Variants in NEK9 observed in about 807,000 individuals in gnomAD.
NEK9 encodes serine/threonine-protein kinase Nek9.
A neutral mutation model predicts 123.4 loss-of-function variants in NEK9; 75 were observed. The observed-to-expected ratio is 0.61, with a 90% CI of 0.50 to 0.74. The LOEUF (loss-of-function observed/expected upper bound fraction) is 0.74. Among genes scored for constraint, NEK9 ranks in the 30% least tolerant of loss-of-function variants. NEK9 has a pLI of 0.00. For missense variants in NEK9, 952 were observed against 1,214.4 expected, an observed-to-expected ratio of 0.78 and a Z score of 3.21; for synonymous variants, 438 against 458.7, an observed-to-expected ratio of 0.95 and a Z score of 0.58.
In NEK9 at chr14:75,108,565, T is replaced by A. The variant is rs186721040; in HGVS notation, c.1183-1078A>T. Among the ~76,000 whole-genome samples the A allele has an allele frequency of 1.1e-3, 164 of 151,724 alleles. 1 individual carries two copies. Among genetic ancestry groups the A allele is most frequent in the African/African-American group, 3.7e-3 (154 of 41,274 alleles). ...TGTGTGACAGTATATATATATATTT[T>A]TTTTTTTGAGACAAGGTCTTGCTCT... On this transcript the variant is annotated intron_variant, in intron 10 of 21. Transcript: ENST00000238616.
At position 75,119,357 on chromosome 14, in the gene NEK9, T is replaced by C. The variant is rs75269755; in HGVS notation, c.525-422A>G. ...AACAAAAAAAGAGTGTTACCATTGCTCATTCATTTAGGATATCCTAAACAT... is the reference window on the plus strand; with the variant it reads ...AACAAAAAAAGAGTGTTACCATTGCCCATTCATTTAGGATATCCTAAACAT... On this transcript the variant is annotated intron_variant, in intron 4 of 21. Coordinates refer to ENST00000238616, the MANE Select transcript of NEK9 (RefSeq NM_033116.6). Among the ~76,000 whole-genome samples the C allele has an allele frequency of 6.0e-3, 908 of 152,248 alleles. 8 individuals carry two copies. The highest frequency in any genetic ancestry group is 0.021 in the African/African-American group (874 of 41,552).
At chr14:75,110,221 T>C in intron 9 of NEK9, 100 bp downstream of exon 9, 2 of 880,952 alleles carry the variant, frequency 2.3e-6, no homozygotes, top group Non-Finnish European at 3.6e-6. Context: ...CCTGAAAGGA[T>C]GCCAAAGTAT....
chr14:75,103,783 G>A, intron 14 of NEK9, 59 bp downstream of exon 14: 1 of 1,537,842 alleles, frequency 6.5e-7, no homozygotes, highest in Non-Finnish European at 8.8e-7. Context: ...GCATCTCAAA[G>A]AAATTCCAAC....
At position 75,117,271 on chromosome 14, in the gene NEK9, T is replaced by C. The variant is rs954321670; in HGVS notation, c.686A>G (p.Asn229Ser). The C allele has an allele frequency of 6.2e-7, 1 of 1,613,948 alleles. No homozygotes were observed. The highest frequency in any genetic ancestry group is 1.3e-5 in the African/African-American group (1 of 74,912). ...AACTGCCCAGATATCAGACTTGAAA[T>C]TGTACTTTACTCCTTGACAGAGCTC... ...SPELCQGVKY[N>S]FKSDIWAVGC... The change falls in exon 6 of 22, where the codon AAT becomes AGT. Residue 229 changes from asparagine (N) to serine (S), a missense_variant. Around this residue, in one of 4 missense-constraint regions of NEK9, gnomAD observed 28 missense variants for 88.3 expected, o/e 0.32. Transcript: ENST00000238616.
In NEK9 at chr14:75,124,075, G is replaced by A. The variant is rs781664727; in HGVS notation, c.368C>T (p.Thr123Met). 8.1e-5 allele frequency: 131 copies of A among 1,613,482 alleles called. No homozygotes were observed. Among genetic ancestry groups the A allele is most frequent in the Middle Eastern group, 1.6e-4 (1 of 6,078 alleles). ...AYYNHFMDNTTLLIELEYCNG... is the reference protein window; with the variant it reads ...AYYNHFMDNTMLLIELEYCNG... ...ACAATATTCCAGCTCAATCAGCAGC[G>A]TGGTATTGTCCATGAAGTGATTGTA... The change falls in exon 2 of 22, where the codon ACG becomes ATG. Residue 123 changes from threonine to methionine, a missense_variant. Around this residue, in one of 4 missense-constraint regions of NEK9, gnomAD observed 106 missense variants for 153.0 expected, o/e 0.69. Coordinates refer to ENST00000238616, the MANE Select transcript of NEK9 (RefSeq NM_033116.6).
At chr14:75,114,421 T>A (rs1349511040) in intron 6 of NEK9, 108 bp from the exon 7 acceptor site, 1 of 819,404 alleles carries the variant, frequency 1.2e-6, no homozygotes, top group Non-Finnish European at 2.0e-6. Flanking sequence ...GAATTGGCAA[T>A]AGGTCTGACT....
At chr14:75,125,746 C>T (rs1392430062) in intron 1 of NEK9, among the ~76,000 whole-genome samples, 1 of 152,384 alleles carries the variant, frequency 6.6e-6, no homozygotes, top group Admixed American at 6.5e-5. Context: ...TTCTCTCCTT[C>T]TCCATCTTTC....
At chr14:75,088,668 A>AT in intron 19 of NEK9, 27 bp from the exon 20 acceptor site, 1 of 1,602,226 alleles carries the variant, frequency 6.2e-7, no homozygotes, top group Non-Finnish European at 8.5e-7. Flanking sequence ...GAATCTCATT[A>AT]GTCTGTTTGC....
At chr14:75,122,935 A>G (rs1419847820) in intron 2 of NEK9, among the ~76,000 whole-genome samples, 1 of 151,548 alleles carries the variant, frequency 6.6e-6, no homozygotes, top group Non-Finnish European at 1.5e-5. Context: ...AGTAGCTGTG[A>G]CTACAGGTGC....
intron 18 of NEK9, among the ~76,000 whole-genome samples, chr14:75,092,757 T>C (rs1245827709): frequency 1.3e-5 from 2 of 152,090 alleles, no homozygotes; most frequent in Non-Finnish European, 2.9e-5. Context: ...TTAAGAAGAT[T>C]AATCTGTCAA....
At chr14:75,107,746 A>G (rs980247938) in intron 10 of NEK9, among the ~76,000 whole-genome samples, 1 of 152,162 alleles carries the variant, frequency 6.6e-6, no homozygotes, top group African/African-American at 2.4e-5. Flanking sequence ...AAAACAGTAG[A>G]AAAAAAGAGC....
intron 18 of NEK9, among the ~76,000 whole-genome samples, chr14:75,092,260 C>T (rs1894242424): frequency 1.5e-5 from 2 of 137,884 alleles, no homozygotes; most frequent in African/African-American, 5.6e-5. Flanking sequence ...GCGTGAGCCA[C>T]TGCACCCAGC....
Position 75,091,690 on chromosome 14 carries a change from CATA to C in NEK9, c.2234-215_2234-213del, listed in dbSNP as rs1391556092. On this transcript the variant is annotated intron_variant, in intron 18 of 21. Transcript: ENST00000238616. ...AGTTGTATTTGTATATCAGGATGCT[CATA>C]ATGATAATTCACTTCCATTTACCAA... 11 of 432,168 alleles carry C rather than the reference CATA, an allele frequency of 2.5e-5. No individual in the cohort carries two copies. The East Asian group carries it at 4.0e-4, about 16-fold the overall frequency. 26.8% of individuals were successfully genotyped at this position (432,168 alleles called of 1,614,324 possible).
rs765889310 is a variant in NEK9, at chr14:75,110,339, G to T, written c.971C>A (p.Ala324Glu). 3 of 1,612,824 alleles carry T rather than the reference G, an allele frequency of 1.9e-6. No homozygotes were observed. The highest frequency in any genetic ancestry group is 3.3e-5 in the Admixed American group (2 of 59,974). Residue 324 changes from alanine to glutamate, a missense_variant, in exon 9 of 22, where the codon GCA becomes GAA. By Grantham distance (107) the Ala-to-Glu change is moderately radical (BLOSUM62 -1). Around this residue, in one of 4 missense-constraint regions of NEK9, gnomAD observed 698 missense variants for 875.6 expected, o/e 0.80. Coordinates refer to ENST00000238616, the MANE Select transcript of NEK9 (RefSeq NM_033116.6). ...ACATTACCTTGGTCTCTTTGTAGGT[G>T]CATTAAGCAGAGTGACTTTTTCCTC... is the stretch of plus-strand genomic sequence containing the variant. ...EMEEKVTLLN[A>E]PTKRPRSSTV...
At chr14:75,107,315 C>G (rs752798266) in intron 11 of NEK9, 28 bp downstream of exon 11, 1 of 1,606,900 alleles carries the variant, frequency 6.2e-7, no homozygotes, top group Admixed American at 1.7e-5. Context: ...ATTAAATGCA[C>G]TTAAGACACT....
At chr14:75,119,104 C>T (rs1021491682) in intron 4 of NEK9, among the ~76,000 whole-genome samples, 169 bp from the exon 5 acceptor site, 1 of 151,952 alleles carries the variant, frequency 6.6e-6, no homozygotes. Context: ...CTGCTTGAGG[C>T]CAGGAGTTCT....
intron 17 of NEK9, among the ~76,000 whole-genome samples, chr14:75,096,301 A>G (rs1231222665): frequency 7.9e-6 from 1 of 126,804 alleles, no homozygotes; most frequent in Non-Finnish European, 1.6e-5. Context: ...AAAAAAAAAA[A>G]GCTTCTCAAG....
At position 75,080,429 on chromosome 14, in the gene NEK9, C is replaced by G. The variant is rs929094473; in HGVS notation, c.*4135G>C. ...GATAAGAACCTTTTTTTAAAAAAATCTGAATTTCTTCCTGGATAGCTCAGA... is the reference window on the plus strand; with the variant it reads ...GATAAGAACCTTTTTTTAAAAAAATGTGAATTTCTTCCTGGATAGCTCAGA... On this transcript the variant is annotated 3_prime_UTR_variant, in exon 22 of 22. Transcript: ENST00000238616. The G allele has an allele frequency of 1.3e-5, 2 of 151,602 alleles. No individual in the cohort carries two copies. Among genetic ancestry groups the G allele is most frequent in the African/African-American group, 4.8e-5 (2 of 41,240 alleles). 9.4% of individuals were successfully genotyped at this position (151,602 alleles called of 1,614,324 possible).
At chr14:75,099,718 GTT>G (rs1414879456) in intron 16 of NEK9, among the ~76,000 whole-genome samples, 25 of 148,816 alleles carry the variant, frequency 1.7e-4, no homozygotes, top group Middle Eastern at 3.6e-3. Context: ...GGAGGCGGTA[GTT>G]GCAGTGAGCT....
Sources: allele counts gnomAD v4.1 joint callset (sites outside exome capture counted in the v4.1 genomes callset), GRCh38; gene constraint gnomAD v4.1.1; regional missense constraint gnomAD v4.1.1; transcripts MANE v1.5; gene names NCBI Gene and HGNC (gene_info 2026-07-23, HGNC 2026-07-21).